Variants in ADARB1 observed in about 807,000 individuals in gnomAD.
ADARB1 encodes double-stranded RNA-specific editase 1.
In ADARB1, 10 loss-of-function variants were observed where a neutral mutation model predicts 52.4. That is an observed-to-expected ratio of 0.19 (90% CI 0.12 to 0.32). ADARB1 has a LOEUF of 0.32. Ranked by LOEUF, ADARB1 falls within the 10% of genes least tolerant of loss-of-function variation. The probability of loss-of-function intolerance (pLI) is 1.00; values close to 1 mark genes in which losing one functional copy is unlikely to be tolerated. For synonymous variants in ADARB1, 349 were observed against 371.1 expected (o/e 0.94, Z 0.68); for missense variants, 643 against 922.3 (o/e 0.70, Z 3.92).
At chr21:45,156,271 CCACCCATCATCACCCAT>C in intron 2 of ADARB1, among the ~76,000 whole-genome samples, 1 of 151,434 alleles carries the variant, frequency 6.6e-6, no homozygotes. Flanking sequence ...ATCCATCCAC[CCACCCATCATCACCCAT>C]CACCCATCAT....
chr21:45,106,565 G>A (rs2087267792), intron 1 of ADARB1, among the ~76,000 whole-genome samples: 1 of 152,154 alleles, frequency 6.6e-6, no homozygotes, highest in South Asian at 2.1e-4. Context: ...CTTACTCTCC[G>A]GATGAGTGAC....
In ADARB1 at chr21:45,185,414, A is replaced by G. The variant is rs533874712; in HGVS notation, c.1565+323A>G. Among the ~76,000 whole-genome samples, 3 of 152,366 alleles carry G rather than the reference A, an allele frequency of 2.0e-5. No individual in the cohort carries two copies. In the South Asian group the frequency reaches 6.2e-4, roughly 32 times the overall value. ...CTACAGGCCATGACATCTTAAAACT[A>G]CTGGCTTCTCCTCATTAGTAGTAGA... On this transcript the variant is annotated intron_variant, in intron 8 of 10. Transcript: ENST00000348831.
chr21:45,077,040 T>C (rs2085966724), intron 1 of ADARB1, among the ~76,000 whole-genome samples: 1 of 152,248 alleles, frequency 6.6e-6, no homozygotes, highest in Admixed American at 6.5e-5. Context: ...CAATTGTGTA[T>C]TGTCCTAGCA....
Position 45,200,167 on chromosome 21 carries a change from G to A in ADARB1, c.1566-4388G>A, listed in dbSNP as rs1220158572. On this transcript the variant is annotated intron_variant, in intron 8 of 10. Coordinates refer to ENST00000348831, the MANE Select transcript of ADARB1 (RefSeq NM_001112.4). The surrounding 1 kb of genome is among the most constrained non-coding windows in gnomAD (Gnocchi z 5.0). ...GGATGGGGCTGGGTGAGGCTGAACT[G>A]TTCCCCTTACACAGGACACAGTGAC... Among the ~76,000 whole-genome samples, 1 of 152,174 alleles carries A rather than the reference G, an allele frequency of 6.6e-6. No homozygotes were observed. The highest frequency in any genetic ancestry group is 1.5e-5 in the Non-Finnish European group (1 of 68,022).
intron 8 of ADARB1, among the ~76,000 whole-genome samples, chr21:45,197,754 TA>T (rs1292210064): frequency 1.3e-5 from 2 of 152,122 alleles, no homozygotes; most frequent in African/African-American, 2.4e-5. Context: ...AGAACAGTGA[TA>T]CACACTACAG....
rs1159766656 is a variant in ADARB1, at chr21:45,208,313, AT to A, written c.1747+3578del. On this transcript the variant is annotated intron_variant, in intron 9 of 10. Transcript: ENST00000348831. The surrounding 1 kb of genome is among the most constrained non-coding windows in gnomAD (Gnocchi z 5.6). The stretch of plus-strand genomic sequence containing the variant: ...CCGGGGTTTGCAGACAAGGCTTCCT[AT>A]CCTGCTGGTTTTCATGTTGAATGTT... 6.6e-6 allele frequency among the ~76,000 whole-genome samples: 1 copy of A among 152,172 alleles called. No individual in the cohort carries two copies. Among genetic ancestry groups the A allele is most frequent in the East Asian group, 1.9e-4 (1 of 5,194 alleles).
chr21:45,141,436 A>C (rs1444227102), intron 2 of ADARB1, among the ~76,000 whole-genome samples: 1 of 152,216 alleles, frequency 6.6e-6, no homozygotes, highest in East Asian at 1.9e-4. Flanking sequence ...ATGCCTAAGA[A>C]TCTTTAAAGA....
At chr21:45,218,394 C>G (rs1442394346) in intron 9 of ADARB1, among the ~76,000 whole-genome samples, 2 of 152,084 alleles carry the variant, frequency 1.3e-5, no homozygotes, top group Non-Finnish European at 2.9e-5. Context: ...TGGCTTAGGC[C>G]TTTTTATATC....
In ADARB1 at chr21:45,223,446, G is replaced by A. The variant is rs150382537; in HGVS notation, c.*1249G>A. On this transcript the variant is annotated 3_prime_UTR_variant, in exon 11 of 11. Coordinates refer to ENST00000348831, the MANE Select transcript of ADARB1 (RefSeq NM_001112.4). ...AGCGCGGCGGGCGAGGGCCCTGTGT[G>A]GACCACCTCCACCAAGCTCAGAGAT... 2.3e-4 allele frequency: 227 copies of A among 985,772 alleles called. 1 individual carries two copies. The East Asian group carries it at 0.017, about 74-fold the overall frequency. The allele number at this position is 985,772 out of a possible 1,614,324, so 61.1% of individuals were successfully genotyped here.
intron 9 of ADARB1, among the ~76,000 whole-genome samples, chr21:45,217,672 A>G (rs2092891630): frequency 6.6e-6 from 1 of 152,212 alleles, no homozygotes; most frequent in East Asian, 1.9e-4. Context: ...CTTTGTATAG[A>G]TCTGGATTTC....
intron 2 of ADARB1, among the ~76,000 whole-genome samples, chr21:45,139,936 T>C (rs932979835): frequency 0.13 from 5,917 of 46,828 alleles, 233 homozygotes; most frequent in East Asian, 0.4. Flanking sequence ...TAAAACTCTT[T>C]TTTTTTTTTT....
In ADARB1 at chr21:45,221,904, C is replaced by A; in HGVS notation, c.1927-114C>A. 8.3e-7 allele frequency: 1 copy of A among 1,201,554 alleles called. No individual in the cohort carries two copies. Among genetic ancestry groups the A allele is most frequent in the Non-Finnish European group, 1.2e-6 (1 of 857,252 alleles). The allele number at this position is 1,201,554 out of a possible 1,614,324, so 74.4% of individuals were successfully genotyped here. A position where few individuals can be genotyped will look rare whatever the true frequency, so the allele number is the denominator to read the frequency against. ...GCAGAAGGCGCCTTCCTCTGGGTTG[C>A]TTTCCCCCCAGAAGCCAATGCAGTT... On this transcript the variant is annotated intron_variant, in intron 10 of 10. Transcript: ENST00000348831. This position sits in a 1 kb window ranked among gnomAD's most constrained non-coding sequence, Gnocchi z 4.9.
intron 2 of ADARB1, among the ~76,000 whole-genome samples, chr21:45,167,690 T>TA (rs2091307984): frequency 6.6e-6 from 1 of 152,116 alleles, no homozygotes; most frequent in Non-Finnish European, 1.5e-5. Context: ...GAGGTTGCAG[T>TA]GAGCCGAGAT....
intron 1 of ADARB1, among the ~76,000 whole-genome samples, chr21:45,096,889 G>C (rs1045741893): frequency 6.6e-6 from 1 of 152,178 alleles, no homozygotes; most frequent in African/African-American, 2.4e-5. Flanking sequence ...ACAGGCGCCT[G>C]CCACCACGCC....
chr21:45,204,787 G>C lies in ADARB1; in HGVS notation c.1747+51G>C. On this transcript the variant is annotated intron_variant, in intron 9 of 10. Coordinates refer to ENST00000348831, the MANE Select transcript of ADARB1 (RefSeq NM_001112.4). This position sits in a 1 kb window ranked among gnomAD's most constrained non-coding sequence, Gnocchi z 4.4. ...TTAATCTCTGTCTTGATTTTGCAAT[G>C]TTTTCATCCTCATGAATGAAAAAAA... 6.3e-7 allele frequency: 1 copy of C among 1,577,558 alleles called. No individual in the cohort carries two copies. The highest frequency in any genetic ancestry group is 8.7e-7 in the Non-Finnish European group (1 of 1,155,268).
At chr21:45,093,310 G>T (rs1210089676) in intron 1 of ADARB1, among the ~76,000 whole-genome samples, 2 of 152,174 alleles carry the variant, frequency 1.3e-5, no homozygotes, top group African/African-American at 4.8e-5. Flanking sequence ...GGAGGCCCTA[G>T]ATCTGGGGCT....
At position 45,204,588 on chromosome 21, in the gene ADARB1, C is replaced by A. The variant is rs773378026; in HGVS notation, c.1599C>A (p.Leu533=). 3 of 1,614,034 alleles carry A rather than the reference C, an allele frequency of 1.9e-6. No individual in the cohort carries two copies. In the Admixed American group the frequency reaches 5.0e-5, roughly 27 times the overall value. ...WNVVGIQGSL[L]SIFVEPIYFS... Reference sequence around the variant, plus strand: ...TGGTGGGCATCCAGGGATCCCTGCTCAGCATTTTCGTGGAGCCCATTTACT... The same window carrying A: ...TGGTGGGCATCCAGGGATCCCTGCTAAGCATTTTCGTGGAGCCCATTTACT... The change falls in exon 9 of 11, where the codon CTC becomes CTA. Residue 533 remains leucine (L), a synonymous_variant. Coordinates refer to ENST00000348831, the MANE Select transcript of ADARB1 (RefSeq NM_001112.4). The surrounding 1 kb of genome is among the most constrained non-coding windows in gnomAD (Gnocchi z 4.4).
rs1276689908 is a variant in ADARB1, at chr21:45,075,083, G to C, written c.-220+290G>C. Among the ~76,000 whole-genome samples the C allele has an allele frequency of 3.0e-4, 46 of 151,766 alleles. 1 individual carries two copies. Among genetic ancestry groups the C allele is most frequent in the Non-Finnish European group, 4.4e-5 (3 of 67,862 alleles). ...GTCCGCGTGGGATGCGCCGCGCTGC[G>C]CCGCGGGGAGGGCAGGTGCGCCGGG... On this transcript the variant is annotated intron_variant, in intron 1 of 10. Coordinates refer to ENST00000348831, the MANE Select transcript of ADARB1 (RefSeq NM_001112.4).
chr21:45,108,268 A>T (rs2087349779), intron 1 of ADARB1, among the ~76,000 whole-genome samples: 1 of 152,346 alleles, frequency 6.6e-6, no homozygotes, highest in Admixed American at 6.5e-5. Flanking sequence ...TGGCCCATAC[A>T]CTTTACCAAG....
Sources: gnomAD v4.1 joint callset for allele counts (sites outside exome capture counted in the v4.1 genomes callset) on GRCh38, gnomAD v4.1.1 for gene constraint, Gnocchi (gnomAD v3.1) non-coding constraint, MANE v1.5 for transcripts, NCBI Gene and HGNC (gene_info 2026-07-23, HGNC 2026-07-21) for gene names.